The following AKR1C3 variants were observed in gnomAD, a reference collection of about 807,000 sequenced individuals.
AKR1C3 encodes the protein aldo-keto reductase family 1 member C3.
AKR1C3 carries 48 observed loss-of-function variants against 43.6 expected under a neutral mutation model. That is an observed-to-expected ratio of 1.10 (90% confidence interval 0.87 to 1.40). AKR1C3 has a LOEUF of 1.40. AKR1C3 is among the 40% of genes most tolerant of loss of function. The pLI is 0.00. For missense variants in AKR1C3, 482 were observed against 391.2 expected (o/e 1.23, Z -1.96); for synonymous variants, 162 against 139.6 (o/e 1.16, Z -1.13).
intron 1 of AKR1C3, among the ~76,000 whole-genome samples, chr10:5,052,391 T>C (rs1554779033): frequency 6.6e-6 from 1 of 152,240 alleles, no homozygotes; most frequent in Non-Finnish European, 1.5e-5. Context: ...AGGTTGCCAC[T>C]GCTGGCTTGG....
intron 1 of AKR1C3, among the ~76,000 whole-genome samples, chr10:5,050,624 A>AAATAAAAC (rs1459322651): frequency 6.6e-6 from 1 of 152,252 alleles, no homozygotes; most frequent in Non-Finnish European, 1.5e-5. Flanking sequence ...ATATAGAGGA[A>AAATAAAAC]AATAAAACAT....
intron 7 of AKR1C3, among the ~76,000 whole-genome samples, chr10:5,104,769 A>ATGGT: frequency 6.6e-6 from 1 of 152,130 alleles, no homozygotes; most frequent in South Asian, 2.1e-4. Context: ...AACATTCTCC[A>ATGGT]TTAAACCATA....
chr10:5,098,736 T>C lies in AKR1C3; in HGVS notation c.370-66T>C, dbSNP rs1839274596. ...GAGGATTAGTGTCCTTAAAGGTACC[T>C]GGGGTTACAGCTATGAGTGGAGAAA... is the stretch of plus-strand genomic sequence containing the variant. On this transcript the variant is annotated intron_variant, in intron 3 of 8. Coordinates refer to ENST00000380554, the MANE Select transcript of AKR1C3 (RefSeq NM_003739.6). The C allele has an allele frequency of 6.8e-6, 9 of 1,315,782 alleles. No homozygotes were observed. In the South Asian group the frequency reaches 1.1e-4, roughly 16 times the overall value. The allele number at this position is 1,315,782 out of a possible 1,614,324, so 81.5% of individuals were successfully genotyped here. A position where few individuals can be genotyped will look rare whatever the true frequency, so the allele number is the denominator to read the frequency against.
intron 1 of AKR1C3, chr10:5,077,759 A>G (rs1554781969): frequency 1.9e-6 from 2 of 1,071,742 alleles, no homozygotes; most frequent in East Asian, 6.7e-5. Context: ...GCTCACTGCC[A>G]GTGCCCATTT....
At chr10:5,085,289 T>C (rs1262457520) in intron 1 of AKR1C3, among the ~76,000 whole-genome samples, 8 of 151,712 alleles carry the variant, frequency 5.3e-5, no homozygotes, top group South Asian at 2.1e-4. Context: ...GCATGAAGCG[T>C]TGTTGAATTT....
At chr10:5,074,641 C>T (rs1838673392) in intron 1 of AKR1C3, among the ~76,000 whole-genome samples, 1 of 152,156 alleles carries the variant, frequency 6.6e-6, no homozygotes, top group Non-Finnish European at 1.5e-5. Context: ...ACTCTTTTAG[C>T]CAAAGAGAAA....
intron 7 of AKR1C3, among the ~76,000 whole-genome samples, chr10:5,104,006 G>C (rs1023279351): frequency 2.0e-5 from 3 of 152,012 alleles, no homozygotes; most frequent in Non-Finnish European, 1.5e-5. Flanking sequence ...ATATATTCTG[G>C]GTATTAATCG....
chr10:5,084,714 G>T (rs1447077770), intron 1 of AKR1C3, among the ~76,000 whole-genome samples: 23 of 152,234 alleles, frequency 1.5e-4, no homozygotes, highest in African/African-American at 5.3e-4. Flanking sequence ...CATGAGCATG[G>T]AATATTCTTC....
intron 7 of AKR1C3, among the ~76,000 whole-genome samples, chr10:5,104,836 C>T (rs145376446): frequency 3.4e-4 from 51 of 152,168 alleles, no homozygotes; most frequent in East Asian, 2.7e-3. Context: ...CTCTTGATAA[C>T]GTTTTCCTTT....
chr10:5,051,384 A>G (rs1429194844), intron 1 of AKR1C3, among the ~76,000 whole-genome samples: 1 of 152,260 alleles, frequency 6.6e-6, no homozygotes, highest in Non-Finnish European at 1.5e-5. Flanking sequence ...GGCATGAGCC[A>G]CTATGCCCAG....
chr10:5,086,731 A>C (rs1372799918), intron 1 of AKR1C3, among the ~76,000 whole-genome samples: 6 of 152,120 alleles, frequency 3.9e-5, no homozygotes, highest in South Asian at 4.1e-4. Context: ...GTAGGTCACT[A>C]AGGACTTGCT....
In AKR1C3 at chr10:5,095,868, C is replaced by A. The variant is rs782122088; in HGVS notation, c.85-542C>A. Among the ~76,000 whole-genome samples, 1,490 of 152,206 alleles carry A rather than the reference C, an allele frequency of 9.8e-3. 23 individuals are homozygous for A. Among genetic ancestry groups the A allele is most frequent in the African/African-American group, 0.034 (1,418 of 41,532 alleles). The stretch of plus-strand genomic sequence containing the variant: ...TATGCAGAAAAGACTTAATAGACTA[C>A]TATTCACAGATGCTTTATTTCCCAA... On this transcript the variant is annotated intron_variant, in intron 1 of 8. Transcript: ENST00000380554.
intron 1 of AKR1C3, among the ~76,000 whole-genome samples, chr10:5,086,222 A>G (rs540891903): frequency 3.3e-5 from 5 of 151,714 alleles, no homozygotes; most frequent in East Asian, 1.9e-4. Context: ...TAGTGCTATA[A>G]ATTTCCCTCT....
intron 8 of AKR1C3, among the ~76,000 whole-genome samples, chr10:5,106,443 T>TAAATGCAGG (rs1554787259): frequency 6.6e-6 from 1 of 152,164 alleles, no homozygotes; most frequent in African/African-American, 2.4e-5. Context: ...GTCATTCATG[T>TAAATGCAGG]AAATGCAGGA....
intron 1 of AKR1C3, among the ~76,000 whole-genome samples, chr10:5,084,557 C>T (rs1482750736): frequency 4.3e-4 from 66 of 152,168 alleles, no homozygotes; most frequent in Admixed American, 9.2e-4. Context: ...CTTGGTGAGG[C>T]GGGCTCTTTT....
In AKR1C3 at chr10:5,100,779, TATG is replaced by T. The variant is rs149325849; in HGVS notation, c.571-1319_571-1317del. Reference sequence around the variant, plus strand: ...TAATATTAGTCCTTCAATTTTTTATTATGATAATTTTCAAACTTTCAGAAAATT... The same window carrying T: ...TAATATTAGTCCTTCAATTTTTTATTATAATTTTCAAACTTTCAGAAAATT... On this transcript the variant is annotated intron_variant, in intron 5 of 8. Coordinates refer to ENST00000380554, the MANE Select transcript of AKR1C3 (RefSeq NM_003739.6). Among the ~76,000 whole-genome samples, 562 of 152,332 alleles carry T rather than the reference TATG, an allele frequency of 3.7e-3. 2 individuals are homozygous for T. Among genetic ancestry groups the T allele is most frequent in the African/African-American group, 0.012 (513 of 41,580 alleles).
chr10:5,080,351 C>A (rs1348239605), intron 1 of AKR1C3, among the ~76,000 whole-genome samples: 1 of 152,080 alleles, frequency 6.6e-6, no homozygotes, highest in Admixed American at 6.6e-5. Flanking sequence ...TGGCTGGGTG[C>A]GGTAGCTAAT....
chr10:5,081,197 G>T (rs1564362424), intron 1 of AKR1C3, among the ~76,000 whole-genome samples: 1 of 152,156 alleles, frequency 6.6e-6, no homozygotes, highest in Non-Finnish European at 1.5e-5. Context: ...TTGTAATACA[G>T]GCTATAAGCT....
chr10:5,103,909 T>C (rs1325033979), intron 7 of AKR1C3, among the ~76,000 whole-genome samples: 5 of 152,256 alleles, frequency 3.3e-5, no homozygotes, highest in South Asian at 2.1e-4. Context: ...GATGGATTAA[T>C]ATATGATAGG....
Sources: gnomAD v4.1 joint callset for allele counts (sites outside exome capture counted in the v4.1 genomes callset) on GRCh38, gnomAD v4.1.1 for gene constraint, MANE v1.5 for transcripts, NCBI Gene and HGNC (gene_info 2026-07-23, HGNC 2026-07-21) for gene names.